MIPOL1: variants seen among roughly 807,000 people sequenced by gnomAD.
MIPOL1 encodes the protein mirror-image polydactyly 1.
A neutral mutation model predicts 60.9 loss-of-function variants in MIPOL1; 57 were observed. The observed-to-expected ratio is 0.94, with a 90% CI of 0.76 to 1.17. The LOEUF (loss-of-function observed/expected upper bound fraction) is 1.17. MIPOL1 is among the 50% of genes most tolerant of loss of function. The pLI, the probability that MIPOL1 is intolerant of heterozygous loss-of-function variation, is 0.00. For missense variants in MIPOL1, 551 were observed against 511.6 expected, an observed-to-expected ratio of 1.08 and a Z score of -0.74; for synonymous variants, 179 against 168.8, an observed-to-expected ratio of 1.06 and a Z score of -0.47.
intron 12 of MIPOL1, among the ~76,000 whole-genome samples, chr14:37,520,144 A>T (rs753660227): frequency 2.4e-4 from 37 of 152,110 alleles, no homozygotes; most frequent in Non-Finnish European, 1.9e-4. Context: ...AATAAGTTGA[A>T]TATTACTTTT....
intron 9 of MIPOL1, among the ~76,000 whole-genome samples, chr14:37,329,238 T>TA (rs943675697): frequency 7.1e-4 from 105 of 147,906 alleles, no homozygotes; most frequent in African/African-American, 2.2e-3. Flanking sequence ...TTAAGAACAT[T>TA]AAAAAAAAAA....
chr14:37,362,381 G>A (rs950268628), intron 9 of MIPOL1, among the ~76,000 whole-genome samples: 1 of 152,080 alleles, frequency 6.6e-6, no homozygotes, highest in African/African-American at 2.4e-5. Context: ...TAGTTTGGCT[G>A]GATATGAAAT....
intron 11 of MIPOL1, among the ~76,000 whole-genome samples, chr14:37,466,429 A>G (rs1206709865): frequency 6.6e-6 from 1 of 152,246 alleles, no homozygotes; most frequent in East Asian, 1.9e-4. Flanking sequence ...ATGGAAGGCA[A>G]GATAAAGTTG....
chr14:37,266,618 A>T (rs2082891950), intron 3 of MIPOL1, among the ~76,000 whole-genome samples: 1 of 152,184 alleles, frequency 6.6e-6, no homozygotes, highest in African/African-American at 2.4e-5. Flanking sequence ...CACATTCTTC[A>T]GTTTATGAAG....
chr14:37,209,669 A>G (rs1260704176), intron 1 of MIPOL1, among the ~76,000 whole-genome samples: 1 of 152,084 alleles, frequency 6.6e-6, no homozygotes, highest in Non-Finnish European at 1.5e-5. Context: ...CAAAACAGAA[A>G]AGAAAAGAAA....
chr14:37,494,611 C>T (rs951464117), intron 11 of MIPOL1, among the ~76,000 whole-genome samples: 1 of 152,250 alleles, frequency 6.6e-6, no homozygotes, highest in Admixed American at 6.5e-5. Context: ...CCAGTGCAGA[C>T]ATAAAGACTG....
chr14:37,537,021 C>T (rs566891604), intron 12 of MIPOL1, among the ~76,000 whole-genome samples: 75 of 152,168 alleles, frequency 4.9e-4, no homozygotes, highest in Admixed American at 1.1e-3. Flanking sequence ...TGAAATGTAT[C>T]TAAACAAAAC....
At chr14:37,485,798 G>A (rs1157679485) in intron 11 of MIPOL1, among the ~76,000 whole-genome samples, 1 of 152,102 alleles carries the variant, frequency 6.6e-6, no homozygotes, top group African/African-American at 2.4e-5. Context: ...TTATTCTGAT[G>A]ATAGTTTCTT....
chr14:37,490,270 T>C (rs1454598528), intron 11 of MIPOL1, among the ~76,000 whole-genome samples: 1 of 152,192 alleles, frequency 6.6e-6, no homozygotes, highest in Non-Finnish European at 1.5e-5. Flanking sequence ...AACTGCCTAC[T>C]CAAGCCTCGG....
chr14:37,454,815 AGCACAT>A (rs2094459231), intron 11 of MIPOL1, among the ~76,000 whole-genome samples: 1 of 152,174 alleles, frequency 6.6e-6, no homozygotes, highest in African/African-American at 2.4e-5. Flanking sequence ...CTCAGTACTG[AGCACAT>A]GGGAGGTAGC....
At chr14:37,492,461 A>G (rs2095059220) in intron 11 of MIPOL1, among the ~76,000 whole-genome samples, 1 of 152,202 alleles carries the variant, frequency 6.6e-6, no homozygotes. Flanking sequence ...ATACTTGAGT[A>G]TTGTGTAACA....
At chr14:37,527,001 T>C (rs1226100418) in intron 12 of MIPOL1, among the ~76,000 whole-genome samples, 1 of 152,074 alleles carries the variant, frequency 6.6e-6, no homozygotes, top group Non-Finnish European at 1.5e-5. Context: ...TGCACTTATT[T>C]TATTAGGAAT....
rs1193318061 is a variant in MIPOL1 at position 37,308,480 on chromosome 14, G to C, written c.789G>C (p.Met263Ile). The stretch of plus-strand genomic sequence containing the variant: ...AAATGAGAATAACTGCAGAAGAAAT[G>C]AGTGCACTAATAGAAGAACGGGATG... The part of the protein sequence containing the change: ...ECKMRITAEE[M>I]SALIEERDAA... The change falls in exon 9 of 13, where the codon ATG (methionine) becomes ATC (isoleucine). Residue 263 changes from methionine (M) to isoleucine (I), a missense_variant. Physicochemically the swap from Met to Ile is conservative, Grantham distance 10. Coordinates refer to ENST00000684589, the MANE Select transcript of MIPOL1 (RefSeq NM_001388067.1). 1 of 1,598,958 alleles carries C rather than the reference G, an allele frequency of 6.3e-7. No homozygotes were observed. Among genetic ancestry groups the C allele is most frequent in the Admixed American group, 1.8e-5 (1 of 56,336 alleles).
At chr14:37,380,617 CAAATGT>C (rs1317711695) in intron 10 of MIPOL1, among the ~76,000 whole-genome samples, 1 of 152,088 alleles carries the variant, frequency 6.6e-6, no homozygotes, top group Non-Finnish European at 1.5e-5. Flanking sequence ...TTATTTATGA[CAAATGT>C]AAATGTAATA....
At chr14:37,521,434 G>C (rs888457278) in intron 12 of MIPOL1, among the ~76,000 whole-genome samples, 2 of 152,046 alleles carry the variant, frequency 1.3e-5, no homozygotes, top group Non-Finnish European at 2.9e-5. Flanking sequence ...GTGATCAAAT[G>C]AACACAATTT....
intron 9 of MIPOL1, among the ~76,000 whole-genome samples, chr14:37,351,462 T>C (rs1281087599): frequency 1.3e-5 from 2 of 151,962 alleles, no homozygotes; most frequent in Non-Finnish European, 2.9e-5. Context: ...TTTCCAGTTC[T>C]AGATCCCTGA....
intron 10 of MIPOL1, among the ~76,000 whole-genome samples, chr14:37,394,378 A>G (rs1036276257): frequency 2.0e-5 from 3 of 151,980 alleles, no homozygotes; most frequent in Non-Finnish European, 4.4e-5. Flanking sequence ...CCTTCCCACC[A>G]GCAGTGTAGA....
At chr14:37,477,760 G>A (rs572221146) in intron 11 of MIPOL1, among the ~76,000 whole-genome samples, 57 of 152,274 alleles carry the variant, frequency 3.7e-4, no homozygotes, top group East Asian at 1.5e-3. Context: ...TTTTCTGTGC[G>A]TACCCAGATT....
At chr14:37,447,498 C>A (rs1272367575) in intron 11 of MIPOL1, among the ~76,000 whole-genome samples, 2 of 152,054 alleles carry the variant, frequency 1.3e-5, no homozygotes, top group East Asian at 3.9e-4. Context: ...GGTTCTAGTT[C>A]CCTCATTTTA....
Sources: allele counts gnomAD v4.1 joint callset (sites outside exome capture counted in the v4.1 genomes callset), GRCh38; gene constraint gnomAD v4.1.1; transcripts MANE v1.5; gene names NCBI Gene and HGNC (gene_info 2026-07-23, HGNC 2026-07-21).